Variants in UBN2 observed in about 807,000 individuals in gnomAD.
UBN2 encodes the protein ubinuclein-2.
UBN2 carries 35 observed loss-of-function variants against 120.2 expected under a neutral mutation model. That is an observed-to-expected ratio of 0.29 (90% CI 0.22 to 0.39). The LOEUF (loss-of-function observed/expected upper bound fraction) is 0.39, where lower values mean the gene tolerates loss of function less well. UBN2 is among the 10% of genes least tolerant of loss of function. The pLI is 1.00. For missense variants in UBN2, 1,693 were observed against 1,663.2 expected, an observed-to-expected ratio of 1.02 and a Z score of -0.31; for synonymous variants, 661 against 648.7, an observed-to-expected ratio of 1.02 and a Z score of -0.29.
At chr7:139,296,532 C>G (rs183615494) in intron 17 of UBN2, among the ~76,000 whole-genome samples, 2 of 152,076 alleles carry the variant, frequency 1.3e-5, no homozygotes, top group Non-Finnish European at 2.9e-5. Context: ...TCTTTGAGGC[C>G]TCATTTTTCT....
chr7:139,266,282 A>C, intron 6 of UBN2, 51 bp from the exon 7 acceptor site: 1 of 1,242,922 alleles, frequency 8.0e-7, no homozygotes, highest in Non-Finnish European at 1.1e-6. Context: ...AAGAATGCAA[A>C]ATAGAGTAAT....
At position 139,303,158 on chromosome 7, in the gene UBN2, T is replaced by C. The variant is rs1241975559; in HGVS notation, c.*5322T>C. 1 of 152,246 alleles carries C rather than the reference T, an allele frequency of 6.6e-6. No individual in the cohort carries two copies. Among genetic ancestry groups the C allele is most frequent in the Non-Finnish European group, 1.5e-5 (1 of 68,036 alleles). The allele number at this position is 152,246 out of a possible 1,614,324, so 9.4% of individuals were successfully genotyped here. A position where few individuals can be genotyped will look rare whatever the true frequency, so the allele number is the denominator to read the frequency against. On this transcript the variant is annotated 3_prime_UTR_variant, in exon 18 of 18. Transcript: ENST00000473989. Reference sequence around the variant, plus strand: ...GACTTCAGATGCTGAGGAAAACATATAATCTATAGCATTCTTGAGAGATTT... The same window carrying C: ...GACTTCAGATGCTGAGGAAAACATACAATCTATAGCATTCTTGAGAGATTT...
the UBN2 span, among the ~76,000 whole-genome samples, chr7:139,323,953 G>T: frequency 6.6e-6 from 1 of 152,118 alleles, no homozygotes; most frequent in African/African-American, 2.4e-5. Flanking sequence ...GTGCTTTGGG[G>T]CCTCTGCCAT....
At chr7:139,251,596 C>T (rs58608358) in intron 2 of UBN2, among the ~76,000 whole-genome samples, 2,923 of 152,240 alleles carry the variant, frequency 0.019, 102 homozygotes, top group African/African-American at 0.066. Flanking sequence ...ATGGTTTTCT[C>T]AGGGTTAGGC....
Position 139,231,646 on chromosome 7 carries a change from G to T in UBN2, c.162G>T (p.Pro54=). 1.6e-6 allele frequency: 2 copies of T among 1,215,758 alleles called. No homozygotes were observed. Among genetic ancestry groups the T allele is most frequent in the Non-Finnish European group, 2.0e-6 (2 of 979,944 alleles). The allele number at this position is 1,215,758 out of a possible 1,614,324, so 75.3% of individuals were successfully genotyped here. A position where few individuals can be genotyped will look rare whatever the true frequency, so the allele number is the denominator to read the frequency against. The change falls in exon 1 of 18, where the codon CCG becomes CCT. Residue 54 remains proline, a synonymous_variant. Coordinates refer to ENST00000473989, the MANE Select transcript of UBN2 (RefSeq NM_173569.4). ...CGGCCCGGGCGGAGCCGCCGGCCCC[G>T]CGGGAGCCTGCCCCCCGCTCGGACG... ...REPARAEPPA[P]REPAPRSDAQ...
In UBN2 at chr7:139,297,894, G is replaced by A; in HGVS notation, c.*58G>A. On this transcript the variant is annotated 3_prime_UTR_variant, in exon 18 of 18. Transcript: ENST00000473989. ...GTTGACTGATGGAATCTACCTGATG[G>A]GAAAGTACTTATGTGGTCATAGGGC... is the stretch of plus-strand genomic sequence containing the variant. The A allele has an allele frequency of 6.3e-7, 1 of 1,578,780 alleles. No individual in the cohort carries two copies.
At position 139,276,157 on chromosome 7, in the gene UBN2, T is replaced by C. The variant is rs1170730183; in HGVS notation, c.2024+10T>C. 8 of 1,612,850 alleles carry C rather than the reference T, an allele frequency of 5.0e-6. No individual in the cohort carries two copies. Among genetic ancestry groups the C allele is most frequent in the Non-Finnish European group, 5.9e-6 (7 of 1,179,354 alleles). On this transcript the variant is annotated intron_variant, in intron 12 of 17. Coordinates refer to ENST00000473989, the MANE Select transcript of UBN2 (RefSeq NM_173569.4). ...ATCTTACTTCTGCTCCGTGAGTAAA[T>C]GCAGACTCCAGATTGCTTCATTTAT...
At chr7:139,268,160 A>G (rs781475788) in intron 7 of UBN2, among the ~76,000 whole-genome samples, 3 of 152,216 alleles carry the variant, frequency 2.0e-5, no homozygotes, top group Non-Finnish European at 2.9e-5. Flanking sequence ...TCAGCATTCC[A>G]TTAACAGGCT....
the UBN2 span, among the ~76,000 whole-genome samples, chr7:139,327,948 C>G: frequency 6.4e-4 from 98 of 152,256 alleles, no homozygotes; most frequent in African/African-American, 2.2e-3. Context: ...TGTATTTGCC[C>G]TTTAAAACCA....
chr7:139,327,491 C>G, the UBN2 span, among the ~76,000 whole-genome samples: 4 of 152,060 alleles, frequency 2.6e-5, no homozygotes, highest in African/African-American at 9.7e-5. Context: ...CTGGTGAGGG[C>G]CTTTGTGTTG....
At chr7:139,328,394 A>C in the UBN2 span, among the ~76,000 whole-genome samples, 1 of 152,174 alleles carries the variant, frequency 6.6e-6, no homozygotes, top group Non-Finnish European at 1.5e-5. Context: ...ATCACCTTCC[A>C]CGAGGCCCCT....
At position 139,231,438 on chromosome 7, in the gene UBN2, G is replaced by C. The variant is rs779900832; in HGVS notation, c.-47G>C. On this transcript the variant is annotated 5_prime_UTR_variant, in exon 1 of 18. Transcript: ENST00000473989. The stretch of plus-strand genomic sequence containing the variant: ...GCGGGCAGGCACGCAGCGCGCCGTA[G>C]AAGCGAGCGCCGGCTCGAGCAAAAG... The C allele has an allele frequency of 5.7e-5, 73 of 1,279,378 alleles. No homozygotes were observed. Among genetic ancestry groups the C allele is most frequent in the Non-Finnish European group, 7.2e-5 (72 of 1,005,194 alleles). 79.3% of individuals were successfully genotyped at this position (1,279,378 alleles called of 1,614,324 possible).
rs1394389818 is a variant in UBN2 at position 139,284,283 on chromosome 7, G to T, written c.3378G>T (p.Leu1126Phe). Residue 1126 changes from leucine (L) to phenylalanine (F), a missense_variant, in exon 15 of 18, where the codon TTG becomes TTT. Physicochemically the swap from Leu to Phe is conservative, Grantham distance 22. Coordinates refer to ENST00000473989, the MANE Select transcript of UBN2 (RefSeq NM_173569.4). ...GMNISRQSPT[L>F]NLLPSSRTSG... ...ACATCAGCAGACAGTCTCCCACCTTGAATTTATTGCCCTCTAGTCGCACTT... is the reference window on the plus strand; with the variant it reads ...ACATCAGCAGACAGTCTCCCACCTTTAATTTATTGCCCTCTAGTCGCACTT... 8 of 1,613,968 alleles carry T rather than the reference G, an allele frequency of 5.0e-6. No individual in the cohort carries two copies. The highest frequency in any genetic ancestry group is 6.8e-6 in the Non-Finnish European group (8 of 1,180,028).
At chr7:139,320,873 A>G in the UBN2 span, among the ~76,000 whole-genome samples, 1 of 151,902 alleles carries the variant, frequency 6.6e-6, no homozygotes, top group Non-Finnish European at 1.5e-5. Flanking sequence ...AAAAAAACAA[A>G]CCATTCTCTA....
At position 139,301,633 on chromosome 7, in the gene UBN2, G is replaced by A. The variant is rs908036217; in HGVS notation, c.*3797G>A. Reference sequence around the variant, plus strand: ...TTTATTTTAGGAGTGTACCGTAAAAGCACACTGGTCCCTTTGTTGTTTTTA... The same window carrying A: ...TTTATTTTAGGAGTGTACCGTAAAAACACACTGGTCCCTTTGTTGTTTTTA... On this transcript the variant is annotated 3_prime_UTR_variant, in exon 18 of 18. Coordinates refer to ENST00000473989, the MANE Select transcript of UBN2 (RefSeq NM_173569.4). The A allele has an allele frequency of 6.6e-6, 1 of 152,026 alleles. No individual in the cohort carries two copies. Among genetic ancestry groups the A allele is most frequent in the Non-Finnish European group, 1.5e-5 (1 of 68,008 alleles). 9.4% of individuals were successfully genotyped at this position (152,026 alleles called of 1,614,324 possible).
chr7:139,249,635 A>G (rs1226125751), intron 2 of UBN2, among the ~76,000 whole-genome samples: 1 of 152,184 alleles, frequency 6.6e-6, no homozygotes, highest in African/African-American at 2.4e-5. Flanking sequence ...GCTCTCTACA[A>G]GGCTCACTGT....
At chr7:139,273,261 TA>T (rs1328728721) in intron 9 of UBN2, 35 bp from the exon 10 acceptor site, 5 of 1,480,694 alleles carry the variant, frequency 3.4e-6, no homozygotes, top group Non-Finnish European at 4.7e-6. Flanking sequence ...AGTGTTGGGT[TA>T]AAAGTTTGTT....
In UBN2 at chr7:139,231,852, C is replaced by G. The variant is rs746275462; in HGVS notation, c.368C>G (p.Pro123Arg). The G allele has an allele frequency of 2.6e-6, 4 of 1,551,658 alleles. No individual in the cohort carries two copies. Among genetic ancestry groups the G allele is most frequent in the African/African-American group, 1.4e-5 (1 of 70,590 alleles). Residue 123 changes from proline (P) to arginine (R), a missense_variant, in exon 1 of 18, where the codon CCG (proline) becomes CGG (arginine). Coordinates refer to ENST00000473989, the MANE Select transcript of UBN2 (RefSeq NM_173569.4). ...ASRAEQPPRP[P>R]RETVRLELVL... The stretch of plus-strand genomic sequence containing the variant: ...CGGGCTGAGCAGCCGCCGCGGCCGC[C>G]GAGGGAGACGGTGCGCCTGGAGCTG...
Position 139,299,578 on chromosome 7 carries a change from A to AG in UBN2, c.*1745dup, listed in dbSNP as rs1798206184. 1 of 152,318 alleles carries AG rather than the reference A, an allele frequency of 6.6e-6. No homozygotes were observed. The highest frequency in any genetic ancestry group is 6.5e-5 in the Admixed American group (1 of 15,300). 9.4% of individuals were successfully genotyped at this position (152,318 alleles called of 1,614,324 possible). ...TAGTTCCAAGAACTTGTTACAGTAA[A>AG]GGGAAAGGATTATTTCAAAGGAATC... On this transcript the variant is annotated 3_prime_UTR_variant, in exon 18 of 18. Coordinates refer to ENST00000473989, the MANE Select transcript of UBN2 (RefSeq NM_173569.4).
Sources: allele counts gnomAD v4.1 joint callset (sites outside exome capture counted in the v4.1 genomes callset), GRCh38; gene constraint gnomAD v4.1.1; transcripts MANE v1.5; gene names NCBI Gene and HGNC (gene_info 2026-07-23, HGNC 2026-07-21).